Variants in REC114 observed in about 807,000 individuals in gnomAD.
REC114 encodes meiotic recombination protein REC114.
REC114 carries 27 observed loss-of-function variants against 31.3 expected under a neutral mutation model. That is an observed-to-expected ratio of 0.86 (90% CI 0.64 to 1.19). The LOEUF (loss-of-function observed/expected upper bound fraction) is 1.19, where lower values mean the gene tolerates loss of function less well. Ranked by LOEUF, REC114 falls within the 50% of genes most tolerant of loss-of-function variation. REC114 has a pLI of 0.00. For missense variants in REC114, 344 were observed against 326.9 expected (o/e 1.05, Z -0.40); for synonymous variants, 134 against 127.7 (o/e 1.05, Z -0.33).
At chr15:73,528,858 C>T (rs1894039596) in intron 2 of REC114, among the ~76,000 whole-genome samples, 1 of 152,020 alleles carries the variant, frequency 6.6e-6, no homozygotes, top group South Asian at 2.1e-4. Flanking sequence ...ATCTAGAGGA[C>T]TAATGGCCTG....
intron 2 of REC114, among the ~76,000 whole-genome samples, chr15:73,540,039 A>G (rs1310594406): frequency 6.6e-6 from 1 of 152,196 alleles, no homozygotes; most frequent in East Asian, 1.9e-4. Flanking sequence ...TAAATTTTCC[A>G]TTCATAGGAA....
chr15:73,534,296 TAAAA>T (rs1208841135), intron 2 of REC114, among the ~76,000 whole-genome samples: 4 of 150,940 alleles, frequency 2.7e-5, no homozygotes, highest in African/African-American at 9.7e-5. Context: ...GCAAGACTAA[TAAAA>T]AAAGAGAGAA....
chr15:73,485,702 C>G (rs897034263), intron 2 of REC114, among the ~76,000 whole-genome samples: 1 of 152,128 alleles, frequency 6.6e-6, no homozygotes, highest in African/African-American at 2.4e-5. Flanking sequence ...CAGAAGCAGA[C>G]GCTGGTGCTG....
intron 1 of REC114, among the ~76,000 whole-genome samples, chr15:73,453,779 C>T (rs1043763910): frequency 1.4e-4 from 21 of 152,128 alleles, no homozygotes; most frequent in Non-Finnish European, 4.4e-5. Context: ...TCATGGAATA[C>T]TATGCAGCCA....
chr15:73,539,570 C>T (rs542896488), intron 2 of REC114, among the ~76,000 whole-genome samples: 1 of 148,968 alleles, frequency 6.7e-6, no homozygotes, highest in African/African-American at 2.5e-5. Context: ...GAGATTTAGG[C>T]AGAGGGATTT....
At chr15:73,529,373 C>T (rs1056459924) in intron 2 of REC114, among the ~76,000 whole-genome samples, 3 of 151,996 alleles carry the variant, frequency 2.0e-5, no homozygotes, top group African/African-American at 7.3e-5. Context: ...CTCCTGACCT[C>T]GTGGTCCACC....
rs548334363 is a variant in REC114 at position 73,534,425 on chromosome 15, T to A, written c.250-6060T>A. Among the ~76,000 whole-genome samples, 24 of 152,140 alleles carry A rather than the reference T, an allele frequency of 1.6e-4. No individual in the cohort carries two copies. In the East Asian group the frequency reaches 4.2e-3, roughly 27 times the overall value. ...ACCTCTACGCAAATAAACTAGAAAATCTACAAGAAATGGATAAATTCCTCG... is the reference window on the plus strand; with the variant it reads ...ACCTCTACGCAAATAAACTAGAAAAACTACAAGAAATGGATAAATTCCTCG... On this transcript the variant is annotated intron_variant, in intron 2 of 5. Transcript: ENST00000331090.
intron 2 of REC114, among the ~76,000 whole-genome samples, chr15:73,490,786 T>C (rs1036741675): frequency 6.6e-6 from 1 of 152,128 alleles, no homozygotes; most frequent in Non-Finnish European, 1.5e-5. Context: ...ACAATCATGA[T>C]ATGAACATTT....
intron 4 of REC114, among the ~76,000 whole-genome samples, chr15:73,554,468 ATTCTAT>A (rs1198758589): frequency 2.0e-5 from 3 of 152,188 alleles, no homozygotes; most frequent in Admixed American, 6.5e-5. Flanking sequence ...AATAGAGATA[ATTCTAT>A]TTCAAGTTCT....
rs1893148231 is a variant in REC114, at chr15:73,472,663, A to G, written c.160-1169A>G. On this transcript the variant is annotated intron_variant, in intron 1 of 5. Transcript: ENST00000331090. ...TATTAAGGATATGAAAGCCACCTAT[A>G]TAGTATAGTCACTTAAGACCCAGAT... Among the ~76,000 whole-genome samples, 5 of 152,248 alleles carry G rather than the reference A, an allele frequency of 3.3e-5. No homozygotes were observed. The South Asian group carries it at 1.0e-3, about 32-fold the overall frequency.
chr15:73,505,369 A>C (rs971703889), intron 2 of REC114, among the ~76,000 whole-genome samples: 3 of 152,100 alleles, frequency 2.0e-5, no homozygotes, highest in Admixed American at 6.6e-5. Context: ...TGCTAAATCC[A>C]CCAAGATTCT....
chr15:73,526,083 C>A (rs1307379956), intron 2 of REC114, among the ~76,000 whole-genome samples: 1 of 152,142 alleles, frequency 6.6e-6, no homozygotes, highest in African/African-American at 2.4e-5. Flanking sequence ...ATGAGATGTT[C>A]CTTTTTATCT....
chr15:73,557,978 C>G (rs933964821), intron 5 of REC114, among the ~76,000 whole-genome samples: 1 of 152,128 alleles, frequency 6.6e-6, no homozygotes, highest in African/African-American at 2.4e-5. Flanking sequence ...TTGGAAACAA[C>G]ATAAATGTTC....
At chr15:73,557,573 TA>T (rs1894490842) in intron 5 of REC114, among the ~76,000 whole-genome samples, 1 of 152,156 alleles carries the variant, frequency 6.6e-6, no homozygotes, top group Non-Finnish European at 1.5e-5. Context: ...TGAAAAAAAT[TA>T]TTTGTCCAGC....
intron 2 of REC114, among the ~76,000 whole-genome samples, chr15:73,484,213 G>C (rs1036733872): frequency 6.6e-6 from 1 of 151,970 alleles, no homozygotes; most frequent in African/African-American, 2.4e-5. Context: ...TCTTCTTTCA[G>C]CTTGGATGAG....
intron 2 of REC114, among the ~76,000 whole-genome samples, chr15:73,529,122 T>G (rs1353849678): frequency 1.3e-5 from 2 of 151,598 alleles, no homozygotes; most frequent in Non-Finnish European, 2.9e-5. Flanking sequence ...TTTTTATTTT[T>G]ATTATTTATT....
chr15:73,556,119 T>C (rs1191646488), intron 4 of REC114, among the ~76,000 whole-genome samples, 183 bp from the exon 5 acceptor site: 1 of 152,238 alleles, frequency 6.6e-6, no homozygotes, highest in Non-Finnish European at 1.5e-5. Flanking sequence ...TCAGTACTTC[T>C]GCTGTGGTAA....
chr15:73,482,686 A>T (rs1395324676), intron 2 of REC114, among the ~76,000 whole-genome samples: 1 of 152,208 alleles, frequency 6.6e-6, no homozygotes, highest in African/African-American at 2.4e-5. Context: ...CTTTTTAAAC[A>T]GAATAATATT....
chr15:73,544,441 CTA>C (rs1894282011), intron 3 of REC114, among the ~76,000 whole-genome samples: 1 of 152,274 alleles, frequency 6.6e-6, no homozygotes, highest in African/African-American at 2.4e-5. Flanking sequence ...AATATAAATT[CTA>C]TGAGTAGTAA....
Sources: gnomAD v4.1 joint callset for allele counts (sites outside exome capture counted in the v4.1 genomes callset) on GRCh38, gnomAD v4.1.1 for gene constraint, MANE v1.5 for transcripts, NCBI Gene and HGNC (gene_info 2026-07-23, HGNC 2026-07-21) for gene names.